MOGAT1: variants seen among roughly 807,000 people sequenced by gnomAD.
The protein encoded by MOGAT1 is monoacylglycerol O-acyltransferase 1.
A neutral mutation model predicts 31.4 loss-of-function variants in MOGAT1; 32 were observed. That is an observed-to-expected ratio of 1.02 (90% CI 0.77 to 1.37). The LOEUF is 1.37. MOGAT1 is among the 40% of genes most tolerant of loss of function. The probability of loss-of-function intolerance (pLI) is 0.00; values close to 1 mark genes in which losing one functional copy is unlikely to be tolerated. For synonymous variants in MOGAT1, 145 were observed against 144.5 expected (o/e 1.00, Z -0.03); for missense variants, 426 against 402.0 (o/e 1.06, Z -0.51).
chr2:222,671,989 C>A, intron 1 of MOGAT1, 110 bp downstream of exon 1: 1 of 881,126 alleles, frequency 1.1e-6, no homozygotes, highest in Non-Finnish European at 1.8e-6. Context: ...CCCCTGTCGG[C>A]CAGAGCAGGC....
intron 4 of MOGAT1, 106 bp from the exon 5 acceptor site, chr2:222,694,983 A>G: frequency 1.3e-6 from 1 of 772,338 alleles, no homozygotes; most frequent in Non-Finnish European, 2.0e-6. Flanking sequence ...AGGCTTGGGC[A>G]CATTTAAAAA....
At chr2:222,709,130 T>A (rs1274484169) in intron 5 of MOGAT1, among the ~76,000 whole-genome samples, 3 of 151,946 alleles carry the variant, frequency 2.0e-5, no homozygotes, top group Non-Finnish European at 4.4e-5. Flanking sequence ...CTGGCCAACA[T>A]GGCAAAACCC....
At chr2:222,677,441 A>G (rs1692515502) in intron 1 of MOGAT1, among the ~76,000 whole-genome samples, 1 of 152,182 alleles carries the variant, frequency 6.6e-6, no homozygotes, top group Non-Finnish European at 1.5e-5. Context: ...CCTGGCATAT[A>G]TATTTTAATG....
Position 222,694,419 on chromosome 2 carries a change from G to A in MOGAT1, c.536G>A (p.Gly179Glu), listed in dbSNP as rs2106039798. 1 of 1,613,694 alleles carries A rather than the reference G, an allele frequency of 6.2e-7. No homozygotes were observed. Among genetic ancestry groups the A allele is most frequent in the Non-Finnish European group, 8.5e-7 (1 of 1,179,710 alleles). ...TACATGGTAAGCAAGGAGGGAGGTG[G>A]AAACATCTCTGTCATTGTCCTTGGG... ...VSYMVSKEGG[G>E]NISVIVLGGA... Residue 179 changes from glycine (G) to glutamate (E), a missense_variant, in exon 4 of 6, where the codon GGA becomes GAA. Gly to Glu is a moderately conservative substitution (Grantham distance 98, BLOSUM62 -2). Coordinates refer to ENST00000446656, the MANE Select transcript of MOGAT1 (RefSeq NM_058165.3).
At chr2:222,691,778 C>T (rs1441717632) in intron 3 of MOGAT1, among the ~76,000 whole-genome samples, 1 of 152,194 alleles carries the variant, frequency 6.6e-6, no homozygotes, top group Non-Finnish European at 1.5e-5. Context: ...TAGTAAGGAA[C>T]CATAGGGCTT....
intron 1 of MOGAT1, among the ~76,000 whole-genome samples, chr2:222,674,535 T>C (rs549809507): frequency 4.3e-4 from 65 of 152,298 alleles, no homozygotes; most frequent in African/African-American, 1.5e-3. Flanking sequence ...ATGGGGATTG[T>C]ACAGATTATT....
At chr2:222,695,781 G>A (rs1692828779) in intron 5 of MOGAT1, among the ~76,000 whole-genome samples, 1 of 151,160 alleles carries the variant, frequency 6.6e-6, no homozygotes, top group Non-Finnish European at 1.5e-5. Flanking sequence ...TTTTATTTCA[G>A]TAGGTTTTTG....
intron 1 of MOGAT1, among the ~76,000 whole-genome samples, chr2:222,672,627 G>A (rs1453563388): frequency 6.6e-6 from 1 of 152,072 alleles, no homozygotes; most frequent in Non-Finnish European, 1.5e-5. Context: ...TGGGAGGAGG[G>A]AGGAATTTGG....
At chr2:222,691,849 A>G (rs1263133902) in intron 3 of MOGAT1, among the ~76,000 whole-genome samples, 3 of 152,132 alleles carry the variant, frequency 2.0e-5, no homozygotes, top group Non-Finnish European at 2.9e-5. Flanking sequence ...CTGCATCTGT[A>G]AGTCCTTTTA....
chr2:222,674,211 G>A (rs1056435818), intron 1 of MOGAT1, among the ~76,000 whole-genome samples: 1 of 152,180 alleles, frequency 6.6e-6, no homozygotes, highest in African/African-American at 2.4e-5. Flanking sequence ...AACTACAGTG[G>A]TTCTAGATCC....
chr2:222,697,192 A>T (rs1367705012), intron 5 of MOGAT1, among the ~76,000 whole-genome samples: 3 of 152,204 alleles, frequency 2.0e-5, no homozygotes, highest in Admixed American at 6.5e-5. Flanking sequence ...GCTGGAAGTA[A>T]TATGTTCACC....
chr2:222,708,805 CTGTG>C (rs1409192104), intron 5 of MOGAT1, among the ~76,000 whole-genome samples: 13 of 151,976 alleles, frequency 8.6e-5, no homozygotes, highest in South Asian at 6.2e-4. Context: ...TTTTAGACAT[CTGTG>C]TGTATTTGTG....
Position 222,709,802 on chromosome 2 carries a change from A to G in MOGAT1, c.920A>G (p.Gln307Arg), listed in dbSNP as rs1318991975. 3 of 1,613,756 alleles carry G rather than the reference A, an allele frequency of 1.9e-6. No individual in the cohort carries two copies. Among genetic ancestry groups the G allele is most frequent in the Middle Eastern group, 1.6e-4 (1 of 6,062 alleles). The change falls in exon 6 of 6, where the codon CAG becomes CGG. Residue 307 changes from glutamine to arginine, a missense_variant. Physicochemically the swap from Gln to Arg is conservative, Grantham distance 43. Transcript: ENST00000446656. ...CAGGAGCAGATTGAGGAGTTACATC[A>G]GACCTATATGGAGGAACTTAGGAAA... ...PTQEQIEELH[Q>R]TYMEELRKLF...
chr2:222,695,202 G>T lies in MOGAT1; in HGVS notation c.767G>T (p.Gly256Val), dbSNP rs769894091. 1.9e-6 allele frequency: 3 copies of T among 1,613,526 alleles called. No individual in the cohort carries two copies. In the East Asian group the frequency reaches 6.7e-5, roughly 36 times the overall value. The change falls in exon 5 of 6, where the codon GGG becomes GTG. Residue 256 changes from glycine to valine, a missense_variant. By Grantham distance (109) the Gly-to-Val change is moderately radical. Coordinates refer to ENST00000446656, the MANE Select transcript of MOGAT1 (RefSeq NM_058165.3). ...CAGAATAAACTGCAGAAGATCATGG[G>T]GTTTGCTTTGCCCCTGTTTCATGCC... is the stretch of plus-strand genomic sequence containing the variant. ...TVQNKLQKIM[G>V]FALPLFHARG... is the part of the protein sequence containing the mutation.
intron 1 of MOGAT1, among the ~76,000 whole-genome samples, chr2:222,680,879 A>G (rs1692571035): frequency 1.3e-5 from 2 of 152,234 alleles, no homozygotes; most frequent in Admixed American, 1.3e-4. Flanking sequence ...GTAAATAAAC[A>G]TTCAGTGGCT....
chr2:222,708,742 C>T (rs1032178428), intron 5 of MOGAT1, among the ~76,000 whole-genome samples: 25 of 152,040 alleles, frequency 1.6e-4, no homozygotes, highest in African/African-American at 6.0e-4. Context: ...AACATTTTTT[C>T]CAAAAATGGA....
chr2:222,693,214 A>C (rs16864011), intron 3 of MOGAT1, among the ~76,000 whole-genome samples: 1 of 152,232 alleles, frequency 6.6e-6, no homozygotes, highest in African/African-American at 2.4e-5. Flanking sequence ...TCTGAAATGT[A>C]GTTCAAGACT....
intron 1 of MOGAT1, among the ~76,000 whole-genome samples, chr2:222,685,248 A>G (rs1282055832): frequency 6.6e-6 from 1 of 152,208 alleles, no homozygotes; most frequent in Non-Finnish European, 1.5e-5. Context: ...CAAATGTGTA[A>G]TAGTAAAGAA....
At chr2:222,709,091 C>T (rs549749170) in intron 5 of MOGAT1, among the ~76,000 whole-genome samples, 1 of 152,100 alleles carries the variant, frequency 6.6e-6, no homozygotes, top group South Asian at 2.1e-4. Flanking sequence ...CTTGTAATTC[C>T]AGCTTGAGGT....
Sources: allele counts gnomAD v4.1 joint callset (sites outside exome capture counted in the v4.1 genomes callset), GRCh38; gene constraint gnomAD v4.1.1; transcripts MANE v1.5; gene names NCBI Gene and HGNC (gene_info 2026-07-23, HGNC 2026-07-21).